The following SEL1L3 variants were observed in gnomAD, a reference collection of about 807,000 sequenced individuals.
SEL1L3 encodes the protein SEL1L family member 3.
A neutral mutation model predicts 142.8 loss-of-function variants in SEL1L3; 76 were observed. That is an observed-to-expected ratio of 0.53 (90% CI 0.44 to 0.64). The LOEUF is 0.64. Ranked by LOEUF, SEL1L3 falls within the 30% of genes least tolerant of loss-of-function variation. SEL1L3 has a pLI of 0.00. For synonymous variants in SEL1L3, 504 were observed against 519.6 expected (o/e 0.97, Z 0.41); for missense variants, 1,262 against 1,381.7 (o/e 0.91, Z 1.37).
chr4:25,723,504 A>G, the SEL1L3 span, among the ~76,000 whole-genome samples: 37,276 of 151,920 alleles, frequency 0.25, 6,496 homozygotes, highest in African/African-American at 0.5. Flanking sequence ...CCATAAAATC[A>G]GGAAATGTAT....
intron 11 of SEL1L3, among the ~76,000 whole-genome samples, chr4:25,791,789 G>A (rs575393810): frequency 5.9e-5 from 9 of 152,138 alleles, no homozygotes; most frequent in South Asian, 2.1e-4. Flanking sequence ...GGTACACACC[G>A]CTAATCCCAG....
the SEL1L3 span, among the ~76,000 whole-genome samples, chr4:25,723,743 A>G: frequency 2.0e-5 from 3 of 152,102 alleles, no homozygotes; most frequent in Non-Finnish European, 4.4e-5. Context: ...GCTGGTCCTC[A>G]CAGCTCTGCC....
chr4:25,770,047 G>C (rs180908012), intron 17 of SEL1L3, among the ~76,000 whole-genome samples: 1 of 152,242 alleles, frequency 6.6e-6, no homozygotes, highest in East Asian at 1.9e-4. Context: ...AGAATCGCTC[G>C]AACACGAAAG....
At chr4:25,863,381 T>C, upstream of SEL1L3, 2 of 680,728 alleles carry the variant, frequency 2.9e-6, no homozygotes, top group Non-Finnish European at 5.3e-6. Flanking sequence ...CCCTTTCCTC[T>C]TTCTCCCTTC....
chr4:25,835,497 C>T (rs903633726), intron 2 of SEL1L3, among the ~76,000 whole-genome samples, 174 bp from the exon 3 acceptor site: 1 of 152,248 alleles, frequency 6.6e-6, no homozygotes, highest in Non-Finnish European at 1.5e-5. Flanking sequence ...AAGCACTTTA[C>T]AGAGACCATG....
intron 10 of SEL1L3, 147 bp downstream of exon 10, chr4:25,804,394 C>T: frequency 1.5e-6 from 1 of 649,922 alleles, no homozygotes; most frequent in Non-Finnish European, 2.7e-6. Context: ...GTATTTAACA[C>T]AGCCCCAGGA....
At position 25,795,393 on chromosome 4, in the gene SEL1L3, A is replaced by T. The variant is rs191665155; in HGVS notation, c.1957-4819T>A. On this transcript the variant is annotated intron_variant, in intron 11 of 23. Transcript: ENST00000399878. ...GTATTTGCAGTTTAGTACAACTCAA[A>T]GCCTTAGGTTGTGGGGATGAAGATC... Among the ~76,000 whole-genome samples, 372 of 152,286 alleles carry T rather than the reference A, an allele frequency of 2.4e-3. 1 individual carries two copies. The highest frequency in any genetic ancestry group is 8.7e-3 in the African/African-American group (360 of 41,566).
chr4:25,805,338 C>G (rs932054262), intron 9 of SEL1L3, among the ~76,000 whole-genome samples: 1 of 152,068 alleles, frequency 6.6e-6, no homozygotes. Flanking sequence ...TTTATAAGGT[C>G]GGTACTATTT....
chr4:25,788,455 G>T lies in SEL1L3; in HGVS notation c.2077-91C>A. 1.5e-6 allele frequency: 2 copies of T among 1,324,324 alleles called. No individual in the cohort carries two copies. Among genetic ancestry groups the T allele is most frequent in the Non-Finnish European group, 2.1e-6 (2 of 953,520 alleles). The allele number at this position is 1,324,324 out of a possible 1,614,324, so 82.0% of individuals were successfully genotyped here. On this transcript the variant is annotated intron_variant, in intron 12 of 23. Transcript: ENST00000399878. This position sits in a 1 kb window ranked among gnomAD's most constrained non-coding sequence, Gnocchi z 5.3. ...AGGTGGGAGAGCAAACCTACTTTAC[G>T]ATGTTTTAGATTGAGAACCAAGGAT...
intron 9 of SEL1L3, among the ~76,000 whole-genome samples, chr4:25,817,859 T>C (rs768129465): frequency 3.9e-5 from 6 of 152,242 alleles, no homozygotes; most frequent in Non-Finnish European, 8.8e-5. Flanking sequence ...CATCTGGGGC[T>C]GGCTCTGGCT....
chr4:25,833,157 G>C, intron 4 of SEL1L3, 47 bp from the exon 5 acceptor site: 1 of 1,085,472 alleles, frequency 9.2e-7, no homozygotes, highest in Admixed American at 1.7e-5. Flanking sequence ...AAATATCTAC[G>C]AGTGAATGAA....
chr4:25,781,789 C>A (rs768362712), intron 15 of SEL1L3, among the ~76,000 whole-genome samples: 7 of 152,164 alleles, frequency 4.6e-5, no homozygotes, highest in Non-Finnish European at 7.3e-5. Flanking sequence ...GTGCTTGGCA[C>A]AGAGGAAATG....
At chr4:25,851,055 T>TGGCCAGG (rs904560360) in intron 1 of SEL1L3, among the ~76,000 whole-genome samples, 2 of 152,090 alleles carry the variant, frequency 1.3e-5, no homozygotes, top group African/African-American at 4.8e-5. Context: ...TTCACGATGT[T>TGGCCAGG]GGCCAGGCTG....
chr4:25,832,330 C>T (rs1362363842), intron 5 of SEL1L3, among the ~76,000 whole-genome samples: 3 of 152,120 alleles, frequency 2.0e-5, no homozygotes, highest in African/African-American at 4.8e-5. Context: ...GAAAACAAAG[C>T]AACCAGAAAA....
At chr4:25,798,454 G>A (rs1712940434) in intron 11 of SEL1L3, among the ~76,000 whole-genome samples, 1 of 152,196 alleles carries the variant, frequency 6.6e-6, no homozygotes, top group Non-Finnish European at 1.5e-5. Flanking sequence ...GAGATGTTCT[G>A]TAAGCCCCCA....
chr4:25,846,428 C>A (rs1223069011), intron 2 of SEL1L3, among the ~76,000 whole-genome samples: 2 of 152,168 alleles, frequency 1.3e-5, no homozygotes, highest in Non-Finnish European at 2.9e-5. Flanking sequence ...TCTGAAGGAA[C>A]TGCTTGTTAT....
rs1374732876 is a variant in SEL1L3 at position 25,862,946 on chromosome 4, G to C, written c.-110C>G. ...CCCGGCCGGGCCGGCCGCCGCGCGCGGGGCCACCTGCCGCCACCTCCGGAC... is the reference window on the plus strand; with the variant it reads ...CCCGGCCGGGCCGGCCGCCGCGCGCCGGGCCACCTGCCGCCACCTCCGGAC... On this transcript the variant is annotated 5_prime_UTR_variant, in exon 1 of 24. Coordinates refer to ENST00000399878, the MANE Select transcript of SEL1L3 (RefSeq NM_015187.5). 1.3e-6 allele frequency: 1 copy of C among 754,992 alleles called. No homozygotes were observed. Among genetic ancestry groups the C allele is most frequent in the Non-Finnish European group, 1.6e-6 (1 of 627,928 alleles). 46.8% of individuals were successfully genotyped at this position (754,992 alleles called of 1,614,324 possible). A position where few individuals can be genotyped will look rare whatever the true frequency, so the allele number is the denominator to read the frequency against.
intron 21 of SEL1L3, 114 bp from the exon 22 acceptor site, chr4:25,757,904 A>G (rs905186368): frequency 4.2e-6 from 3 of 710,158 alleles, no homozygotes; most frequent in Non-Finnish European, 4.9e-6. Context: ...ACAAATGAGC[A>G]CACTCAACTG....
chr4:25,787,770 C>G (rs537506551), intron 13 of SEL1L3, among the ~76,000 whole-genome samples: 134 of 152,308 alleles, frequency 8.8e-4, no homozygotes, highest in Non-Finnish European at 1.5e-3. Flanking sequence ...GACTTTCACG[C>G]TTGTCTCCTA....
Sources: allele counts gnomAD v4.1 joint callset (sites outside exome capture counted in the v4.1 genomes callset), GRCh38; gene constraint gnomAD v4.1.1; non-coding constraint Gnocchi (gnomAD v3.1); transcripts MANE v1.5; gene names NCBI Gene and HGNC (gene_info 2026-07-23, HGNC 2026-07-21).